Variants in RIMKLB observed in about 807,000 individuals in gnomAD.
RIMKLB encodes ribosomal modification protein rimK like family member B, also known as beta-citrylglutamate synthase B.
Under a neutral mutation model 32.0 loss-of-function variants are expected in RIMKLB, and 7 were observed. The observed-to-expected ratio is 0.22, with a 90% CI of 0.12 to 0.41. RIMKLB has a LOEUF of 0.41. Ranked by LOEUF, RIMKLB falls within the 10% of genes least tolerant of loss-of-function variation. The pLI, the probability that RIMKLB is intolerant of heterozygous loss-of-function variation, is 1.00. For missense variants in RIMKLB, 289 were observed against 498.7 expected (o/e 0.58, Z 4.00); for synonymous variants, 172 against 185.1 (o/e 0.93, Z 0.57).
At chr12:8,705,736 C>G (rs1943817021) in intron 1 of RIMKLB, among the ~76,000 whole-genome samples, 1 of 152,110 alleles carries the variant, frequency 6.6e-6, no homozygotes, top group African/African-American at 2.4e-5. Context: ...AGTTCAAAAT[C>G]TGTAGAGTAA....
chr12:8,671,839 G>C, the RIMKLB span, among the ~76,000 whole-genome samples: 1 of 152,110 alleles, frequency 6.6e-6, no homozygotes, highest in Admixed American at 6.6e-5. Flanking sequence ...TTGAACCCGG[G>C]AGGCAGAGGT....
In RIMKLB at chr12:8,739,779, CTCTTCTTATA is replaced by C. The variant is rs762340758; in HGVS notation, c.176-10082_176-10073del. Among the ~76,000 whole-genome samples the C allele has an allele frequency of 2.2e-4, 33 of 152,226 alleles. No homozygotes were observed. The East Asian group carries it at 5.2e-3, about 24-fold the overall frequency. On this transcript the variant is annotated intron_variant, in intron 2 of 5. Transcript: ENST00000535829. ...TGAGCCACCACACTTGGCTTCTTGT[CTCTTCTTATA>C]AAGGCACTAATCCCATTGATGAGAG... is the stretch of plus-strand genomic sequence containing the variant.
At chr12:8,690,283 AT>A (rs1042669237) in intron 1 of RIMKLB, among the ~76,000 whole-genome samples, 6 of 152,178 alleles carry the variant, frequency 3.9e-5, no homozygotes, top group Non-Finnish European at 5.9e-5. Flanking sequence ...GTTAGTAACA[AT>A]TTTTTGTTGA....
chr12:8,762,422 G>T (rs1415401915), intron 5 of RIMKLB, among the ~76,000 whole-genome samples: 2 of 151,920 alleles, frequency 1.3e-5, no homozygotes, highest in African/African-American at 4.8e-5. Flanking sequence ...TCTAATGGAG[G>T]GTCCTGCCTT....
At chr12:8,754,602 A>G (rs1461355911) in intron 5 of RIMKLB, among the ~76,000 whole-genome samples, 1 of 152,110 alleles carries the variant, frequency 6.6e-6, no homozygotes, top group Non-Finnish European at 1.5e-5. Context: ...ACAGCTCATG[A>G]CTTTAAATAC....
chr12:8,714,967 A>G (rs780806623), intron 2 of RIMKLB, among the ~76,000 whole-genome samples: 9 of 152,334 alleles, frequency 5.9e-5, no homozygotes, highest in Admixed American at 4.6e-4. Context: ...AATTAAGGCT[A>G]TGCAAAGTAC....
intron 1 of RIMKLB, among the ~76,000 whole-genome samples, chr12:8,684,322 G>A (rs1432753773): frequency 1.3e-5 from 2 of 151,758 alleles, no homozygotes; most frequent in African/African-American, 2.4e-5. Context: ...ACAGGCACAC[G>A]CCACCACACC....
chr12:8,755,985 C>T (rs1298802844), intron 5 of RIMKLB, among the ~76,000 whole-genome samples: 3 of 152,096 alleles, frequency 2.0e-5, no homozygotes, highest in Non-Finnish European at 2.9e-5. Context: ...GAAACCCCAT[C>T]TCTACTAAAA....
intron 1 of RIMKLB, among the ~76,000 whole-genome samples, chr12:8,699,307 CTTAA>C (rs1409448777): frequency 3.3e-5 from 5 of 151,836 alleles, no homozygotes; most frequent in African/African-American, 1.2e-4. Flanking sequence ...TATGGGTGTT[CTTAA>C]TTATTAACTA....
chr12:8,743,354 CA>C (rs60066068), intron 2 of RIMKLB, among the ~76,000 whole-genome samples: 1,651 of 65,154 alleles, frequency 0.025, 15 homozygotes, highest in African/African-American at 0.059. Flanking sequence ...GAGTCTGTCT[CA>C]AAAAAAAAAA....
At chr12:8,735,800 G>C (rs59324269) in intron 2 of RIMKLB, among the ~76,000 whole-genome samples, 1 of 151,482 alleles carries the variant, frequency 6.6e-6, no homozygotes, top group Non-Finnish European at 1.5e-5. Context: ...GCGGGATCCC[G>C]GCTCACTGCA....
intron 1 of RIMKLB, among the ~76,000 whole-genome samples, chr12:8,687,751 C>T (rs1942616752): frequency 6.8e-6 from 1 of 146,930 alleles, no homozygotes; most frequent in African/African-American, 2.5e-5. Flanking sequence ...GACCAGCCTA[C>T]ATTATTGTGT....
At chr12:8,746,016 T>C (rs1948053272) in intron 2 of RIMKLB, among the ~76,000 whole-genome samples, 1 of 151,838 alleles carries the variant, frequency 6.6e-6, no homozygotes, top group African/African-American at 2.4e-5. Flanking sequence ...TATTTAAACA[T>C]AAATACACAG....
At chr12:8,771,870 T>G (rs1950432779) in intron 5 of RIMKLB, among the ~76,000 whole-genome samples, 1 of 151,990 alleles carries the variant, frequency 6.6e-6, no homozygotes, top group Non-Finnish European at 1.5e-5. Context: ...GTTCTCCAGT[T>G]TTGTTTTTGT....
chr12:8,727,220 TTTGTTG>T (rs757341772), intron 2 of RIMKLB, among the ~76,000 whole-genome samples: 1 of 151,894 alleles, frequency 6.6e-6, no homozygotes, highest in Non-Finnish European at 1.5e-5. Flanking sequence ...GGCACTTTGG[TTTGTTG>T]TTGTTGTTGT....
chr12:8,677,569 G>A (rs924979820), upstream of RIMKLB, among the ~76,000 whole-genome samples: 12 of 152,138 alleles, frequency 7.9e-5, no homozygotes, highest in Non-Finnish European at 1.6e-4. Flanking sequence ...ATACAAAGCA[G>A]CCAGAGTAAT....
At chr12:8,682,781 AT>A (rs1430253757) in intron 1 of RIMKLB, among the ~76,000 whole-genome samples, 1 of 128,248 alleles carries the variant, frequency 7.8e-6, no homozygotes, top group Non-Finnish European at 1.6e-5. Context: ...TCAAAAAAAA[AT>A]AAAAATAAAA....
Position 8,775,196 on chromosome 12 carries a change from T to C in RIMKLB, c.*1412T>C. 1.0e-6 allele frequency: 1 copy of C among 985,790 alleles called. No individual in the cohort carries two copies. The highest frequency in any genetic ancestry group is 4.7e-5 in the South Asian group (1 of 21,282). The allele number at this position is 985,790 out of a possible 1,614,324, so 61.1% of individuals were successfully genotyped here. On this transcript the variant is annotated 3_prime_UTR_variant, in exon 6 of 6. Coordinates refer to ENST00000535829, the MANE Select transcript of RIMKLB (RefSeq NM_001297776.2). The stretch of plus-strand genomic sequence containing the variant: ...ATGCTTCTGGCTATGCATTTTCTCT[T>C]TTTACATATAGGATTTGGGATTGGG...
intron 2 of RIMKLB, among the ~76,000 whole-genome samples, chr12:8,735,378 C>T (rs760267446): frequency 6.6e-5 from 10 of 152,188 alleles, no homozygotes; most frequent in Non-Finnish European, 1.2e-4. Context: ...TACAGGCGCA[C>T]ACCACCATGC....
Sources: allele counts gnomAD v4.1 joint callset (sites outside exome capture counted in the v4.1 genomes callset), GRCh38; gene constraint gnomAD v4.1.1; transcripts MANE v1.5; gene names NCBI Gene and HGNC (gene_info 2026-07-23, HGNC 2026-07-21).